Variants in LRFN3 observed in about 807,000 individuals in gnomAD.
The protein encoded by LRFN3 is leucine-rich repeat and fibronectin type-III domain-containing protein 3.
A neutral mutation model predicts 23.8 loss-of-function variants in LRFN3; 8 were observed. The ratio of observed to expected loss-of-function variants is 0.34; its 90% CI spans 0.20 to 0.61. LRFN3 has a LOEUF of 0.61. Among genes scored for constraint, LRFN3 ranks in the 20% least tolerant of loss-of-function variants. The probability of loss-of-function intolerance (pLI) is 0.80; values close to 1 mark genes in which losing one functional copy is unlikely to be tolerated. For missense variants in LRFN3, 736 were observed against 935.3 expected, an observed-to-expected ratio of 0.79 and a Z score of 2.78; for synonymous variants, 451 against 450.6, an observed-to-expected ratio of 1.00 and a Z score of -0.01.
chr19:35,940,792 T>G lies in LRFN3; in HGVS notation c.1367T>G (p.Met456Arg). 1.9e-6 allele frequency: 3 copies of G among 1,606,684 alleles called. No individual in the cohort carries two copies. The highest frequency in any genetic ancestry group is 1.1e-5 in the South Asian group (1 of 90,480). The change falls in exon 2 of 3, where the codon ATG becomes AGG. Residue 456 changes from methionine to arginine, a missense_variant. By Grantham distance (91) the Met-to-Arg change is moderately conservative (BLOSUM62 -1). Transcript: ENST00000246529. ...CAGCGGCCTATCCCGGGCATCCGCATGTACCAGATCCAGTACAACAGCTCG... is the reference window on the plus strand; with the variant it reads ...CAGCGGCCTATCCCGGGCATCCGCAGGTACCAGATCCAGTACAACAGCTCG... ...PDQRPIPGIR[M>R]YQIQYNSSAD...
rs1976068300 is a variant in LRFN3 at position 35,937,372 on chromosome 19, G to A, written c.-200G>A. The A allele has an allele frequency of 6.6e-6, 1 of 152,366 alleles. No individual in the cohort carries two copies. Among genetic ancestry groups the A allele is most frequent in the Non-Finnish European group, 1.5e-5 (1 of 68,084 alleles). 9.4% of individuals were successfully genotyped at this position (152,366 alleles called of 1,614,324 possible). A position where few individuals can be genotyped will look rare whatever the true frequency, so the allele number is the denominator to read the frequency against. ...GACCCTAGAGGCCCAATATTTAGGG[G>A]TCTGGAACCCCGAGTATTAAGGTCT... On this transcript the variant is annotated 5_prime_UTR_variant, in exon 1 of 3. Transcript: ENST00000246529.
Position 35,939,421 on chromosome 19 carries a change from CCG to C in LRFN3, c.-2_-1del, listed in dbSNP as rs1169936815. The C allele has an allele frequency of 2.5e-6, 4 of 1,574,500 alleles. No homozygotes were observed. Among genetic ancestry groups the C allele is most frequent in the Non-Finnish European group, 3.4e-6 (4 of 1,162,406 alleles). On this transcript the variant is annotated 5_prime_UTR_variant, in exon 2 of 3. Transcript: ENST00000246529. The surrounding 1 kb of genome is among the most constrained non-coding windows in gnomAD (Gnocchi z 6.4). Reference sequence around the variant, plus strand: ...CCTCTTCTCCGCAGGACACCCCTGCCCGCGATGGCCATCCTCCCGTTGCTCCT... The same window carrying C: ...CCTCTTCTCCGCAGGACACCCCTGCCCGATGGCCATCCTCCCGTTGCTCCT...
In LRFN3 at chr19:35,945,323, A is replaced by G; in HGVS notation, c.*304A>G. 3.2e-6 allele frequency: 1 copy of G among 310,650 alleles called. No homozygotes were observed. Among genetic ancestry groups the G allele is most frequent in the Non-Finnish European group, 5.9e-6 (1 of 170,448 alleles). 19.2% of individuals were successfully genotyped at this position (310,650 alleles called of 1,614,324 possible). On this transcript the variant is annotated 3_prime_UTR_variant, in exon 3 of 3. Transcript: ENST00000246529. Reference sequence around the variant, plus strand: ...AGTCTGAGGACCCCGGAGGAGGCTGAGGATGGCGATCCATTCAGACAATAG... The same window carrying G: ...AGTCTGAGGACCCCGGAGGAGGCTGGGGATGGCGATCCATTCAGACAATAG...
Position 35,939,461 on chromosome 19 carries a change from G to A in LRFN3, c.36G>A (p.Pro12=), listed in dbSNP as rs760535700. 1.9e-5 allele frequency: 31 copies of A among 1,596,192 alleles called. No homozygotes were observed. Among genetic ancestry groups the A allele is most frequent in the South Asian group, 5.5e-5 (5 of 90,524 alleles). The change falls in exon 2 of 3, where the codon CCG becomes CCA. Residue 12 remains proline, a synonymous_variant. Coordinates refer to ENST00000246529, the MANE Select transcript of LRFN3 (RefSeq NM_024509.2). This position sits in a 1 kb window ranked among gnomAD's most constrained non-coding sequence, Gnocchi z 6.4. ...TCCCGTTGCTCCTGTGCCTGCTGCC[G>A]CTGGCCCCTGCCTCATCCCCACCCC... The part of the protein sequence containing the change: ...AILPLLLCLL[P]LAPASSPPQS...
rs189953791 is a variant in LRFN3, at chr19:35,944,938, G to T, written c.1806G>T (p.Glu602Asp). 36 of 1,501,994 alleles carry T rather than the reference G, an allele frequency of 2.4e-5. No individual in the cohort carries two copies. The highest frequency in any genetic ancestry group is 3.2e-5 in the Non-Finnish European group (36 of 1,135,958). The allele number at this position is 1,501,994 out of a possible 1,614,324, so 93.0% of individuals were successfully genotyped here. The change falls in exon 3 of 3, where the codon GAG becomes GAT. Residue 602 changes from glutamate to aspartate, a missense_variant. Around this residue, in one of 2 missense-constraint regions of LRFN3, gnomAD observed 290 missense variants for 287.4 expected, o/e 1.01. Transcript: ENST00000246529. This position sits in a 1 kb window ranked among gnomAD's most constrained non-coding sequence, Gnocchi z 4.5. ...CCACGCCCGCCCCGCCCGCCCCGGA[G>T]CCCGCGGCGCTCAGGGCCCACACCG... ...PTPTPAPPAPEPAALRAHTVV... is the reference protein window; with the variant it reads ...PTPTPAPPAPDPAALRAHTVV...
In LRFN3 at chr19:35,944,895, G is replaced by T. The variant is rs1348163838; in HGVS notation, c.1763G>T (p.Gly588Val). Reference protein sequence around the residue: ...PVSSVCSQTNGALGPTPTPAP... With the variant: ...PVSSVCSQTNVALGPTPTPAP... ...AGCAGCGTTTGCTCCCAGACCAACG[G>T]CGCCCTGGGCCCCACGCCCACGCCC... Residue 588 changes from glycine (G) to valine (V), a missense_variant, in exon 3 of 3, where the codon GGC becomes GTC. This residue lies in a region of LRFN3 where 290 missense variants were observed against 287.4 expected (regional missense o/e 1.01). Transcript: ENST00000246529. The surrounding 1 kb of genome is among the most constrained non-coding windows in gnomAD (Gnocchi z 4.5). 6.3e-7 allele frequency: 1 copy of T among 1,591,512 alleles called. No individual in the cohort carries two copies. Among genetic ancestry groups the T allele is most frequent in the Admixed American group, 1.7e-5 (1 of 59,488 alleles).
At position 35,944,067 on chromosome 19, in the gene LRFN3, G is replaced by T. The variant is rs1976149947; in HGVS notation, c.1416-481G>T. Among the ~76,000 whole-genome samples, 2 of 152,212 alleles carry T rather than the reference G, an allele frequency of 1.3e-5. No homozygotes were observed. Among genetic ancestry groups the T allele is most frequent in the African/African-American group, 4.8e-5 (2 of 41,442 alleles). ...TAGCTGGGCATGGTAGTGCACACCT[G>T]TAGTTCCTGCTACTCAGGAGGCTGA... On this transcript the variant is annotated intron_variant, in intron 2 of 2. Coordinates refer to ENST00000246529, the MANE Select transcript of LRFN3 (RefSeq NM_024509.2). The surrounding 1 kb of genome is among the most constrained non-coding windows in gnomAD (Gnocchi z 4.5).
At position 35,944,861 on chromosome 19, in the gene LRFN3, G is replaced by T; in HGVS notation, c.1729G>T (p.Ala577Ser). Reference sequence around the variant, plus strand: ...GCCCCCCGGCAAGGCCAAGATTCCCGCGCCTGTTAGCAGCGTTTGCTCCCA... The same window carrying T: ...GCCCCCCGGCAAGGCCAAGATTCCCTCGCCTGTTAGCAGCGTTTGCTCCCA... ...GQPPGKAKIP[A>S]PVSSVCSQTN... The change falls in exon 3 of 3, where the codon GCG (alanine) becomes TCG (serine). Residue 577 changes from alanine to serine, a missense_variant. Transcript: ENST00000246529. This position sits in a 1 kb window ranked among gnomAD's most constrained non-coding sequence, Gnocchi z 4.5. 1 of 1,600,748 alleles carries T rather than the reference G, an allele frequency of 6.2e-7. No individual in the cohort carries two copies. Among genetic ancestry groups the T allele is most frequent in the Non-Finnish European group, 8.5e-7 (1 of 1,178,864 alleles).
Position 35,944,220 on chromosome 19 carries a change from A to T in LRFN3, c.1416-328A>T, listed in dbSNP as rs1976151184. On this transcript the variant is annotated intron_variant, in intron 2 of 2. Transcript: ENST00000246529. The surrounding 1 kb of genome is among the most constrained non-coding windows in gnomAD (Gnocchi z 4.5). ...AAACAGAAAGAAAGAAAGAAAAGAA[A>T]CAGGATGGATTGGAAGAACTCACGT... 6.6e-6 allele frequency among the ~76,000 whole-genome samples: 1 copy of T among 152,044 alleles called. No homozygotes were observed. Among genetic ancestry groups the T allele is most frequent in the Admixed American group, 6.6e-5 (1 of 15,244 alleles).
Position 35,936,672 on chromosome 19 carries a change from G to A in LRFN3, c.-900G>A. ...CCCTCCCTCCCAGTCAGCCTCCGCC[G>A]CAGCCCAGGAAGCCAGCCGGGACGC... On this transcript the variant is annotated 5_prime_UTR_variant, in exon 1 of 3. Coordinates refer to ENST00000246529, the MANE Select transcript of LRFN3 (RefSeq NM_024509.2). 7.1e-6 allele frequency: 1 copy of A among 141,842 alleles called. No individual in the cohort carries two copies. Among genetic ancestry groups the A allele is most frequent in the Non-Finnish European group, 1.5e-5 (1 of 65,808 alleles). The allele number at this position is 141,842 out of a possible 1,614,324, so 8.8% of individuals were successfully genotyped here.
rs796266380 is a variant in LRFN3 at position 35,946,320 on chromosome 19, C to T, written c.*1301C>T. Among the ~76,000 whole-genome samples, 11 of 151,534 alleles carry T rather than the reference C, an allele frequency of 7.3e-5. No individual in the cohort carries two copies. The highest frequency in any genetic ancestry group is 2.7e-4 in the African/African-American group (11 of 41,132). On this transcript the variant is annotated 3_prime_UTR_variant, in exon 3 of 3. Coordinates refer to ENST00000246529, the MANE Select transcript of LRFN3 (RefSeq NM_024509.2). ...TGTGGGGGATGATTCCAAGTCCCCA[C>T]TATGGGACATTTTTTCTTTTTTCTT...
In LRFN3 at chr19:35,940,716, G is replaced by T. The variant is rs750178131; in HGVS notation, c.1291G>T (p.Val431Phe). The T allele has an allele frequency of 1.9e-6, 3 of 1,613,494 alleles. No individual in the cohort carries two copies. The South Asian group carries it at 3.3e-5, about 18-fold the overall frequency. Reference sequence around the variant, plus strand: ...CACTGGGCCCCCTACCGACCGTGGCGTCCAGGTGACTGAGCACGGGGCCAC... The same window carrying T: ...CACTGGGCCCCCTACCGACCGTGGCTTCCAGGTGACTGAGCACGGGGCCAC... ...ADTGPPTDRGVQVTEHGATAA... is the reference protein window; with the variant it reads ...ADTGPPTDRGFQVTEHGATAA... The change falls in exon 2 of 3, where the codon GTC becomes TTC. Residue 431 changes from valine (V) to phenylalanine (F), a missense_variant. Val to Phe is a conservative substitution (Grantham distance 50). Transcript: ENST00000246529.
chr19:35,940,929 G>C, intron 2 of LRFN3, 89 bp downstream of exon 2: 6 of 1,415,912 alleles, frequency 4.2e-6, no homozygotes, highest in Non-Finnish European at 4.6e-6. Flanking sequence ...CTACACCGAA[G>C]CACAACTGAT....
Position 35,945,937 on chromosome 19 carries a change from G to A in LRFN3, c.*918G>A, listed in dbSNP as rs1186855601. On this transcript the variant is annotated 3_prime_UTR_variant, in exon 3 of 3. Coordinates refer to ENST00000246529, the MANE Select transcript of LRFN3 (RefSeq NM_024509.2). ...AGGGGAAGCTGGGGCAGGGACCTGG[G>A]TGGGTGAGGACGAAGTTGGACCAGC... is the stretch of plus-strand genomic sequence containing the variant. Among the ~76,000 whole-genome samples, 1 of 152,082 alleles carries A rather than the reference G, an allele frequency of 6.6e-6. No individual in the cohort carries two copies. The highest frequency in any genetic ancestry group is 2.4e-5 in the African/African-American group (1 of 41,384).
rs1417346162 is a variant in LRFN3, at chr19:35,939,191, C to T, written c.-16-219C>T. ...TTGTTGCCCAGGCTGGTCTTGAACT[C>T]CTGGCCTCAAGCCATCCTCCTGCCT... On this transcript the variant is annotated intron_variant, in intron 1 of 2. Transcript: ENST00000246529. This position sits in a 1 kb window ranked among gnomAD's most constrained non-coding sequence, Gnocchi z 6.4. Among the ~76,000 whole-genome samples the T allele has an allele frequency of 1.3e-5, 2 of 152,198 alleles. No homozygotes were observed. The highest frequency in any genetic ancestry group is 6.5e-5 in the Admixed American group (1 of 15,276).
At position 35,944,608 on chromosome 19, in the gene LRFN3, C is replaced by T. The variant is rs1369850945; in HGVS notation, c.1476C>T (p.Tyr492=). Residue 492 remains tyrosine (Y), a synonymous_variant, in exon 3 of 3, where the codon TAC becomes TAT. Transcript: ENST00000246529. The surrounding 1 kb of genome is among the most constrained non-coding windows in gnomAD (Gnocchi z 4.5). ...LLTDLASGRT[Y]DLCVLAVYED... Reference sequence around the variant, plus strand: ...CGGACCTGGCGTCAGGCCGGACCTACGATCTGTGCGTGCTCGCCGTGTATG... The same window carrying T: ...CGGACCTGGCGTCAGGCCGGACCTATGATCTGTGCGTGCTCGCCGTGTATG... 6.6e-7 allele frequency: 1 copy of T among 1,516,438 alleles called. No individual in the cohort carries two copies. Among genetic ancestry groups the T allele is most frequent in the Non-Finnish European group, 8.8e-7 (1 of 1,137,734 alleles). The allele number at this position is 1,516,438 out of a possible 1,614,324, so 93.9% of individuals were successfully genotyped here. A position where few individuals can be genotyped will look rare whatever the true frequency, so the allele number is the denominator to read the frequency against.
rs746185022 is a variant in LRFN3 at position 35,940,754 on chromosome 19, C to G, written c.1329C>G (p.Val443=). The change falls in exon 2 of 3, where the codon GTC becomes GTG. Residue 443 remains valine (V), a synonymous_variant. Transcript: ENST00000246529. ...AGCACGGGGCCACAGCTGCTCTTGT[C>G]CAGTGGCCGGATCAGCGGCCTATCC... ...VTEHGATAAL[V]QWPDQRPIPG... 10 of 1,612,966 alleles carry G rather than the reference C, an allele frequency of 6.2e-6. No individual in the cohort carries two copies. In the East Asian group the frequency reaches 2.2e-4, roughly 36 times the overall value.
At chr19:35,941,853 C>A (rs1217825490) in intron 2 of LRFN3, among the ~76,000 whole-genome samples, 1 of 151,568 alleles carries the variant, frequency 6.6e-6, no homozygotes, top group Non-Finnish European at 1.5e-5. Flanking sequence ...GGATTACAGG[C>A]GTGAACCACC....
At chr19:35,943,397 C>T (rs554151122) in intron 2 of LRFN3, among the ~76,000 whole-genome samples, 11 of 152,194 alleles carry the variant, frequency 7.2e-5, no homozygotes, top group Admixed American at 6.5e-4. Flanking sequence ...GGGAATCAGA[C>T]GACAGGACTC....
Sources: gnomAD v4.1 joint callset for allele counts (sites outside exome capture counted in the v4.1 genomes callset) on GRCh38, gnomAD v4.1.1 for gene constraint, gnomAD v4.1.1 regional missense constraint, Gnocchi (gnomAD v3.1) non-coding constraint, MANE v1.5 for transcripts, NCBI Gene and HGNC (gene_info 2026-07-23, HGNC 2026-07-21) for gene names.